Variants in SAMD3 observed in about 807,000 individuals in gnomAD.
SAMD3 encodes the protein sterile alpha motif domain-containing protein 3.
Under a neutral mutation model 58.5 loss-of-function variants are expected in SAMD3, and 63 were observed. The observed-to-expected ratio is 1.08, with a 90% CI of 0.88 to 1.33. The LOEUF (loss-of-function observed/expected upper bound fraction) is 1.33. Ranked by LOEUF, SAMD3 falls within the 40% of genes most tolerant of loss-of-function variation. The pLI is 0.00. For missense variants in SAMD3, 604 were observed against 608.4 expected (o/e 0.99, Z 0.08); for synonymous variants, 220 against 210.3 (o/e 1.05, Z -0.40).
At chr6:130,150,251 T>C (rs1236754958) in intron 9 of SAMD3, among the ~76,000 whole-genome samples, 1 of 152,214 alleles carries the variant, frequency 6.6e-6, no homozygotes, top group African/African-American at 2.4e-5. Flanking sequence ...TGGAGTGGCC[T>C]GTTGAAGACT....
chr6:130,242,224 A>G (rs1411024815), intron 2 of SAMD3, among the ~76,000 whole-genome samples: 1 of 152,264 alleles, frequency 6.6e-6, no homozygotes, highest in Non-Finnish European at 1.5e-5. Flanking sequence ...ATAAAGGGCC[A>G]AAGAATAAAT....
chr6:130,185,038 T>C (rs527824216), intron 5 of SAMD3, among the ~76,000 whole-genome samples: 14 of 152,250 alleles, frequency 9.2e-5, no homozygotes, highest in Non-Finnish European at 1.8e-4. Context: ...AAAATTCTTC[T>C]AATTAATTTA....
At chr6:130,276,041 G>A (rs921205394) in intron 2 of SAMD3, among the ~76,000 whole-genome samples, 4 of 152,148 alleles carry the variant, frequency 2.6e-5, no homozygotes, top group Admixed American at 6.6e-5. Flanking sequence ...TGTAATCTAG[G>A]TGGGCTTAAT....
intron 5 of SAMD3, among the ~76,000 whole-genome samples, chr6:130,204,913 A>T (rs191833957): frequency 1.3e-5 from 2 of 152,138 alleles, no homozygotes; most frequent in African/African-American, 4.8e-5. Context: ...ATGTTCTATC[A>T]TTGGGACCTC....
chr6:130,212,344 C>T (rs897290938), intron 4 of SAMD3, among the ~76,000 whole-genome samples: 2 of 152,146 alleles, frequency 1.3e-5, no homozygotes, highest in Non-Finnish European at 2.9e-5. Flanking sequence ...ACAAGATAAA[C>T]AAATCCCTAA....
intron 1 of SAMD3, among the ~76,000 whole-genome samples, chr6:130,358,660 T>C (rs996957595): frequency 2.6e-5 from 4 of 151,970 alleles, no homozygotes; most frequent in Admixed American, 2.6e-4. Flanking sequence ...GTAATACCCT[T>C]ACTCTTCAAT....
chr6:130,322,390 G>A (rs1200179772), intron 1 of SAMD3, among the ~76,000 whole-genome samples: 1 of 152,242 alleles, frequency 6.6e-6, no homozygotes, highest in Non-Finnish European at 1.5e-5. Flanking sequence ...ACGAGTAAGA[G>A]CAGAAGGTAC....
chr6:130,152,799 G>A (rs1338562944), intron 9 of SAMD3, among the ~76,000 whole-genome samples: 10 of 152,098 alleles, frequency 6.6e-5, no homozygotes, highest in South Asian at 4.1e-4. Context: ...GGAATGGTGC[G>A]GAAGATACAC....
intron 2 of SAMD3, among the ~76,000 whole-genome samples, chr6:130,260,003 G>GT (rs1350849714): frequency 2.0e-5 from 3 of 152,074 alleles, no homozygotes; most frequent in Admixed American, 6.5e-5. Context: ...GGATTCTTCA[G>GT]TTTTTTGGCC....
intron 2 of SAMD3, among the ~76,000 whole-genome samples, chr6:130,247,871 T>C (rs1479709492): frequency 2.0e-5 from 3 of 152,346 alleles, no homozygotes; most frequent in African/African-American, 7.2e-5. Context: ...GCATCCATCA[T>C]AGCCTAAGTA....
Position 130,221,097 on chromosome 6 carries a change from G to A in SAMD3, c.-68+1597C>T, listed in dbSNP as rs538468059. Among the ~76,000 whole-genome samples, 336 of 151,958 alleles carry A rather than the reference G, an allele frequency of 2.2e-3. 1 individual carries two copies. Among genetic ancestry groups the A allele is most frequent in the Middle Eastern group, 0.017 (5 of 294 alleles). Reference sequence around the variant, plus strand: ...TCTCGATCTCCTGACCTTGTGATCTGCCCACCTTGGCCTCCCAAAGTGCTG... The same window carrying A: ...TCTCGATCTCCTGACCTTGTGATCTACCCACCTTGGCCTCCCAAAGTGCTG... On this transcript the variant is annotated intron_variant, in intron 1 of 11. Transcript: ENST00000439090.
At chr6:130,178,716 A>G (rs1034262) in intron 7 of SAMD3, among the ~76,000 whole-genome samples, 116,461 of 152,148 alleles carry the variant, frequency 0.77, 45,153 homozygotes, top group East Asian at 0.97. Context: ...AAAACGGAAC[A>G]ATAAGATCTG....
At chr6:130,179,559 G>T (rs959762416) in intron 7 of SAMD3, among the ~76,000 whole-genome samples, 9 of 132,258 alleles carry the variant, frequency 6.8e-5, no homozygotes, top group African/African-American at 2.6e-4. Context: ...TGTCCAAAAA[G>T]CAAATATCCA....
exon 2 of SAMD3, chr6:130,312,978 C>T (rs150967001): frequency 6.6e-6 from 1 of 152,350 alleles, no homozygotes; most frequent in East Asian, 1.9e-4. Flanking sequence ...GCACACTCAC[C>T]CTGAGGATCA....
chr6:130,252,795 T>G (rs1279095015), intron 2 of SAMD3, among the ~76,000 whole-genome samples: 1 of 152,192 alleles, frequency 6.6e-6, no homozygotes, highest in African/African-American at 2.4e-5. Context: ...AGGAGCAAGC[T>G]TCAGAGATGC....
chr6:130,156,673 G>T (rs1249452763), intron 8 of SAMD3, among the ~76,000 whole-genome samples: 3 of 152,048 alleles, frequency 2.0e-5, no homozygotes, highest in Non-Finnish European at 4.4e-5. Context: ...GAAACGTGGT[G>T]TATGAACAGT....
intron 2 of SAMD3, among the ~76,000 whole-genome samples, chr6:130,231,211 G>A (rs78359495): frequency 7.9e-4 from 120 of 151,874 alleles, no homozygotes; most frequent in African/African-American, 2.5e-3. Flanking sequence ...TATTTATTTC[G>A]TACTTCTGTC....
intron 5 of SAMD3, among the ~76,000 whole-genome samples, chr6:130,187,166 T>C (rs1039864979): frequency 3.9e-5 from 6 of 152,184 alleles, no homozygotes; most frequent in African/African-American, 1.4e-4. Context: ...GATTTTCAAG[T>C]AGCTAAATTA....
chr6:130,268,188 C>T (rs1583029321), intron 2 of SAMD3, among the ~76,000 whole-genome samples: 1 of 151,294 alleles, frequency 6.6e-6, no homozygotes, highest in Admixed American at 6.6e-5. Context: ...TAGTTTTTAA[C>T]AAAAAGTAAA....
Sources: allele counts gnomAD v4.1 joint callset (sites outside exome capture counted in the v4.1 genomes callset), GRCh38; gene constraint gnomAD v4.1.1; transcripts MANE v1.5; gene names NCBI Gene and HGNC (gene_info 2026-07-23, HGNC 2026-07-21).